Variants in TACC2 observed in about 807,000 individuals in gnomAD.
TACC2 encodes transforming acidic coiled-coil containing protein 2.
Under a neutral mutation model 227.3 loss-of-function variants are expected in TACC2, and 137 were observed. The observed-to-expected ratio is 0.60, with a 90% CI of 0.52 to 0.69. The LOEUF is 0.69. TACC2 is among the 30% of genes least tolerant of loss of function. TACC2 has a pLI of 0.00. For missense variants in TACC2, 3,470 were observed against 3,694.4 expected (o/e 0.94, Z 1.57); for synonymous variants, 1,523 against 1,487.5 (o/e 1.02, Z -0.55).
At chr10:122,250,294 C>T (rs1223234297) in intron 22 of TACC2, among the ~76,000 whole-genome samples, 1 of 152,220 alleles carries the variant, frequency 6.6e-6, no homozygotes, top group Non-Finnish European at 1.5e-5. Context: ...GCCAGCCTCC[C>T]TCCTTGGATG....
At chr10:122,200,545 C>T (rs1385252662) in intron 8 of TACC2, among the ~76,000 whole-genome samples, 2 of 149,106 alleles carry the variant, frequency 1.3e-5, no homozygotes, top group Admixed American at 6.6e-5. Flanking sequence ...GTTACCTCAC[C>T]TGCCCACAGT....
chr10:122,042,434 G>A (rs544089563), intron 2 of TACC2, among the ~76,000 whole-genome samples: 3 of 152,180 alleles, frequency 2.0e-5, no homozygotes, highest in South Asian at 4.2e-4. Flanking sequence ...GTAGAGATGG[G>A]GTTTCACCAT....
intron 3 of TACC2, among the ~76,000 whole-genome samples, chr10:122,061,027 G>GGC (rs1554987027): frequency 6.1e-5 from 8 of 130,292 alleles, no homozygotes; most frequent in Admixed American, 2.4e-4. Flanking sequence ...AAAGGGGGGG[G>GGC]GGCCAGGCAC....
At chr10:122,215,749 CG>C (rs1038134813) in intron 10 of TACC2, among the ~76,000 whole-genome samples, 1 of 152,062 alleles carries the variant, frequency 6.6e-6, no homozygotes, top group Admixed American at 6.5e-5. Flanking sequence ...CTAGGACTGT[CG>C]AGATGAGAAA....
intron 1 of TACC2, among the ~76,000 whole-genome samples, chr10:122,006,580 C>T (rs568120703): frequency 3.9e-4 from 60 of 152,236 alleles, no homozygotes; most frequent in South Asian, 6.2e-4. Context: ...AATAGTTTCA[C>T]TGGGACATGT....
At chr10:122,048,899 CAA>C (rs745460817) in intron 2 of TACC2, among the ~76,000 whole-genome samples, 18 of 152,180 alleles carry the variant, frequency 1.2e-4, no homozygotes, top group Non-Finnish European at 2.2e-4. Flanking sequence ...GGTACATAAA[CAA>C]AGAGTCCTGT....
At chr10:122,115,038 G>C (rs536187795) in intron 5 of TACC2, among the ~76,000 whole-genome samples, 1 of 152,346 alleles carries the variant, frequency 6.6e-6, no homozygotes. Flanking sequence ...TCCAACCCCA[G>C]ACCGCAGACA....
rs12250800 is a variant in TACC2 at position 122,209,234 on chromosome 10, C to T, written c.5972-1163C>T. 0.019 allele frequency among the ~76,000 whole-genome samples: 2,824 copies of T among 152,224 alleles called. 88 individuals are homozygous for T. The highest frequency in any genetic ancestry group is 0.064 in the African/African-American group (2,667 of 41,524). ...GAGAGGTTACAGGTGATGGCTGGAG[C>T]GGCAGGTGGCAGACAGCAAGTGCTA... On this transcript the variant is annotated intron_variant, in intron 8 of 22. Coordinates refer to ENST00000369005, the MANE Select transcript of TACC2 (RefSeq NM_206862.4). The surrounding 1 kb of genome is among the most constrained non-coding windows in gnomAD (Gnocchi z 4.5).
intron 2 of TACC2, among the ~76,000 whole-genome samples, chr10:122,043,544 CTG>C (rs61446690): frequency 1.7e-4 from 8 of 46,074 alleles, no homozygotes; most frequent in Non-Finnish European, 3.6e-4. Flanking sequence ...CTCTCTCTCT[CTG>C]TCTCTCTGTC....
chr10:122,242,836 G>A (rs545493339), intron 19 of TACC2, among the ~76,000 whole-genome samples: 7 of 152,202 alleles, frequency 4.6e-5, no homozygotes, highest in East Asian at 3.9e-4. Context: ...GTCTTGCTAC[G>A]TTGCCCAGGC....
intron 2 of TACC2, among the ~76,000 whole-genome samples, chr10:122,034,787 G>T (rs977232210): frequency 7.9e-5 from 12 of 151,862 alleles, no homozygotes; most frequent in Non-Finnish European, 1.2e-4. Flanking sequence ...AAAATTAGCC[G>T]GGCGTGGTGG....
intron 3 of TACC2, among the ~76,000 whole-genome samples, chr10:122,082,431 C>T (rs1339148884): frequency 6.6e-6 from 1 of 151,940 alleles, no homozygotes; most frequent in African/African-American, 2.4e-5. Context: ...TTTGAGATAC[C>T]CTGCAGTGGT....
rs553539170 is a variant in TACC2 at position 122,198,577 on chromosome 10, G to A, written c.5971+3401G>A. Among the ~76,000 whole-genome samples, 482 of 152,330 alleles carry A rather than the reference G, an allele frequency of 3.2e-3. 4 individuals are homozygous for A. Among genetic ancestry groups the A allele is most frequent in the African/African-American group, 0.011 (464 of 41,568 alleles). On this transcript the variant is annotated intron_variant, in intron 8 of 22. Coordinates refer to ENST00000369005, the MANE Select transcript of TACC2 (RefSeq NM_206862.4). ...CCACTCAGGTGAGGGAGGATCAGCCGTATGCACACAGCATCCCTGTATAGT... is the reference window on the plus strand; with the variant it reads ...CCACTCAGGTGAGGGAGGATCAGCCATATGCACACAGCATCCCTGTATAGT...
chr10:122,003,880 T>G lies in TACC2; in HGVS notation c.-46+14392T>G, dbSNP rs146756623. 7.0e-3 allele frequency among the ~76,000 whole-genome samples: 1,061 copies of G among 152,052 alleles called. 15 individuals carry two copies. The highest frequency in any genetic ancestry group is 0.024 in the African/African-American group (999 of 41,536). ...ACTGTGTTAGCCAGGATGGTCTCGA[T>G]CTCCTGATGTCATGATCTGCCTGCC... is the stretch of plus-strand genomic sequence containing the variant. On this transcript the variant is annotated intron_variant, in intron 1 of 22. Coordinates refer to ENST00000369005, the MANE Select transcript of TACC2 (RefSeq NM_206862.4).
intron 1 of TACC2, among the ~76,000 whole-genome samples, chr10:122,006,691 T>A (rs1207002244): frequency 6.6e-6 from 1 of 152,110 alleles, no homozygotes. Context: ...TTTTCTTGAA[T>A]CAAACATTTT....
chr10:122,130,409 G>T (rs2087824415), intron 5 of TACC2, among the ~76,000 whole-genome samples: 1 of 152,026 alleles, frequency 6.6e-6, no homozygotes, highest in African/African-American at 2.4e-5. Flanking sequence ...CTGAATGGGG[G>T]GTAGGGCTGA....
chr10:122,249,595 C>A lies in TACC2; in HGVS notation c.8712C>A (p.Ala2904=), dbSNP rs368557628. Reference sequence around the variant, plus strand: ...GAGGCAAGGCCCAGCAGGAGCAAGCCGCCCACCAGGCCAGCCTGCGGAAGG... The same window carrying A: ...GAGGCAAGGCCCAGCAGGAGCAAGCAGCCCACCAGGCCAGCCTGCGGAAGG... The part of the protein sequence containing the change: ...QVRGKAQQEQ[A]AHQASLRKEQ... Residue 2904 remains alanine, a synonymous_variant, in exon 22 of 23, where the codon GCC becomes GCA. Transcript: ENST00000369005. 2 of 1,614,134 alleles carry A rather than the reference C, an allele frequency of 1.2e-6. No individual in the cohort carries two copies. The highest frequency in any genetic ancestry group is 2.2e-5 in the South Asian group (2 of 91,072).
rs11200368 is a variant in TACC2, at chr10:122,050,600, C to T, written c.146+50C>T. 135,744 of 1,423,974 alleles carry T rather than the reference C, an allele frequency of 0.095. 8,019 individuals carry two copies. Among genetic ancestry groups the T allele is most frequent in the Admixed American group, 0.26 (14,893 of 56,608 alleles). The allele number at this position is 1,423,974 out of a possible 1,614,324, so 88.2% of individuals were successfully genotyped here. A position where few individuals can be genotyped will look rare whatever the true frequency, so the allele number is the denominator to read the frequency against. On this transcript the variant is annotated intron_variant, in intron 3 of 22. Transcript: ENST00000369005. The surrounding 1 kb of genome is among the most constrained non-coding windows in gnomAD (Gnocchi z 4.6). ...GATGCAGCCCAAGGACTGCCCCGCT[C>T]ATTGCCTGCTCCAGCATTAGCTTTG...
At chr10:122,253,906 C>T in intron 22 of TACC2, 85 bp from the exon 23 acceptor site, 1 of 1,130,156 alleles carries the variant, frequency 8.8e-7, no homozygotes. Context: ...GCCTGGTGGT[C>T]CCCCATCTCC....
Sources: allele counts gnomAD v4.1 joint callset (sites outside exome capture counted in the v4.1 genomes callset), GRCh38; gene constraint gnomAD v4.1.1; non-coding constraint Gnocchi (gnomAD v3.1); transcripts MANE v1.5; gene names NCBI Gene and HGNC (gene_info 2026-07-23, HGNC 2026-07-21).